Variants in VSTM5 observed in about 807,000 individuals in gnomAD.
The protein encoded by VSTM5 is V-set and transmembrane domain containing 5, also known as V-set and transmembrane domain-containing protein 5.
A neutral mutation model predicts 20.3 loss-of-function variants in VSTM5; 21 were observed. The observed-to-expected ratio is 1.03, with a 90% CI of 0.73 to 1.49. The LOEUF (loss-of-function observed/expected upper bound fraction) is 1.49, where lower values mean the gene tolerates loss of function less well. Among genes scored for constraint, VSTM5 ranks in the 40% most tolerant of loss-of-function variants. The pLI is 0.00. For missense variants in VSTM5, 219 were observed against 250.0 expected, an observed-to-expected ratio of 0.88 and a Z score of 0.84; for synonymous variants, 100 against 102.5, an observed-to-expected ratio of 0.98 and a Z score of 0.14.
In VSTM5 at chr11:93,836,109, C is replaced by T. The variant is rs559198893; in HGVS notation, c.91+14303G>A. Among the ~76,000 whole-genome samples, 4 of 152,322 alleles carry T rather than the reference C, an allele frequency of 2.6e-5. No individual in the cohort carries two copies. The East Asian group carries it at 7.7e-4, about 29-fold the overall frequency. On this transcript the variant is annotated intron_variant, in intron 1 of 3. Coordinates refer to ENST00000409977, the MANE Select transcript of VSTM5 (RefSeq NM_001144871.2). ...TCCTTCCTCATCCACTACATCCCAT[C>T]TGTCACAGGGTCCTGTCAATTTTAC...
At position 93,834,240 on chromosome 11, in the gene VSTM5, G is replaced by T. The variant is rs1385884934; in HGVS notation, c.92-12917C>A. Among the ~76,000 whole-genome samples the T allele has an allele frequency of 2.0e-5, 3 of 152,006 alleles. No individual in the cohort carries two copies. The East Asian group carries it at 5.8e-4, about 29-fold the overall frequency. On this transcript the variant is annotated intron_variant, in intron 1 of 3. Coordinates refer to ENST00000409977, the MANE Select transcript of VSTM5 (RefSeq NM_001144871.2). Reference sequence around the variant, plus strand: ...ACTCAAGATCACCAAACTCAACAGGGCCCCATCCTGCCAGACAATCTTACT... The same window carrying T: ...ACTCAAGATCACCAAACTCAACAGGTCCCCATCCTGCCAGACAATCTTACT...
rs1270875700 is a variant in VSTM5 at position 93,820,979 on chromosome 11, G to A, written c.418+18C>T. The A allele has an allele frequency of 1.3e-6, 2 of 1,550,806 alleles. No individual in the cohort carries two copies. Among genetic ancestry groups the A allele is most frequent in the East Asian group, 4.9e-5 (2 of 40,920 alleles). Reference sequence around the variant, plus strand: ...ATTCACAGTTCAGAGGGGTGCCCGGGGCCCTGGGATGTCTTACCAGAGACG... The same window carrying A: ...ATTCACAGTTCAGAGGGGTGCCCGGAGCCCTGGGATGTCTTACCAGAGACG... On this transcript the variant is annotated intron_variant, in intron 2 of 3. Coordinates refer to ENST00000409977, the MANE Select transcript of VSTM5 (RefSeq NM_001144871.2).
intron 1 of VSTM5, among the ~76,000 whole-genome samples, chr11:93,848,048 C>T (rs925686407): frequency 2.6e-5 from 4 of 152,210 alleles, no homozygotes; most frequent in Non-Finnish European, 5.9e-5. Context: ...CCCTAAATCC[C>T]CTCCTCCAAA....
chr11:93,826,528 G>T (rs1177260940), intron 1 of VSTM5, among the ~76,000 whole-genome samples: 1 of 151,824 alleles, frequency 6.6e-6, no homozygotes, highest in African/African-American at 2.4e-5. Context: ...CACCCGAGTA[G>T]CTGGGACTAC....
At chr11:93,822,086 T>G (rs1244466158) in intron 1 of VSTM5, 2 of 152,196 alleles carry the variant, frequency 1.3e-5, no homozygotes, top group Non-Finnish European at 2.9e-5. Context: ...TATCTTTTAT[T>G]TTATTTATTT....
chr11:93,823,838 G>A (rs1272542707), intron 1 of VSTM5, among the ~76,000 whole-genome samples: 1 of 24,266 alleles, frequency 4.1e-5, no homozygotes, highest in Non-Finnish European at 7.9e-5. Context: ...GTGAACAAGA[G>A]CATGCAGATA....
chr11:93,837,350 C>A (rs1214988001), intron 1 of VSTM5, among the ~76,000 whole-genome samples: 1 of 151,966 alleles, frequency 6.6e-6, no homozygotes, highest in African/African-American at 2.4e-5. Flanking sequence ...ATTTTTGATC[C>A]TTCCGTCTAA....
intron 1 of VSTM5, among the ~76,000 whole-genome samples, chr11:93,836,026 C>G (rs867350095): frequency 5.9e-5 from 9 of 152,298 alleles, no homozygotes; most frequent in Middle Eastern, 3.4e-3. Context: ...GTGTCCCCAA[C>G]CTCAGTGAAA....
intron 1 of VSTM5, among the ~76,000 whole-genome samples, chr11:93,846,958 G>A (rs1252212032): frequency 6.6e-6 from 1 of 151,686 alleles, no homozygotes; most frequent in Non-Finnish European, 1.5e-5. Flanking sequence ...GTAGAGACGG[G>A]GTTTCACTGT....
At position 93,818,601 on chromosome 11, in the gene VSTM5, T is replaced by G. The variant is rs1325051493; in HGVS notation, c.*1968A>C. 1.3e-5 allele frequency: 2 copies of G among 150,554 alleles called. No individual in the cohort carries two copies. The highest frequency in any genetic ancestry group is 3.0e-5 in the Non-Finnish European group (2 of 67,778). 9.3% of individuals were successfully genotyped at this position (150,554 alleles called of 1,614,324 possible). ...GTGGGTGTTCTTTTCCAACTCCCCT[T>G]TGATTATGAAGATTGCCAGCCCTGA... is the stretch of plus-strand genomic sequence containing the variant. On this transcript the variant is annotated 3_prime_UTR_variant, in exon 4 of 4. Coordinates refer to ENST00000409977, the MANE Select transcript of VSTM5 (RefSeq NM_001144871.2).
chr11:93,832,420 A>G (rs1026172444), intron 1 of VSTM5, among the ~76,000 whole-genome samples: 4 of 152,234 alleles, frequency 2.6e-5, no homozygotes, highest in Admixed American at 6.5e-5. Context: ...TCTCTAAGTT[A>G]TTCTAAAAAC....
At chr11:93,837,651 G>A (rs903769765) in intron 1 of VSTM5, among the ~76,000 whole-genome samples, 15 of 152,000 alleles carry the variant, frequency 9.9e-5, no homozygotes, top group Admixed American at 6.6e-4. Context: ...CTCACAGATC[G>A]GATATGTTAG....
chr11:93,827,547 A>G (rs1169878288), intron 1 of VSTM5: 1 of 152,200 alleles, frequency 6.6e-6, no homozygotes, highest in Admixed American at 6.5e-5. Flanking sequence ...AGCTGGGCCA[A>G]TATTCAGGCC....
chr11:93,831,607 T>C (rs1415041596), intron 1 of VSTM5, among the ~76,000 whole-genome samples: 2 of 152,158 alleles, frequency 1.3e-5, no homozygotes, highest in Non-Finnish European at 2.9e-5. Context: ...ATGATCTTTC[T>C]GTTTAATGGC....
intron 1 of VSTM5, chr11:93,827,720 A>G (rs1944250388): frequency 6.7e-6 from 1 of 150,106 alleles, no homozygotes; most frequent in African/African-American, 2.5e-5. Flanking sequence ...CACTACTGCT[A>G]TTGAGTAGTC....
chr11:93,824,351 A>G (rs560436208), intron 1 of VSTM5, among the ~76,000 whole-genome samples: 5 of 152,288 alleles, frequency 3.3e-5, no homozygotes, highest in Non-Finnish European at 7.4e-5. Context: ...TTTTGATAAT[A>G]GCCAGCCTAA....
At position 93,818,328 on chromosome 11, in the gene VSTM5, TAA is replaced by T; in HGVS notation, c.*2239_*2240del. On this transcript the variant is annotated 3_prime_UTR_variant, in exon 4 of 4. Coordinates refer to ENST00000409977, the MANE Select transcript of VSTM5 (RefSeq NM_001144871.2). ...CTTAACATTTACACTAGCTAATCTC[TAA>T]GATTTTTATTTTTCTGAAAAGCAAA... 2 of 152,256 alleles carry T rather than the reference TAA, an allele frequency of 1.3e-5. No individual in the cohort carries two copies. The highest frequency in any genetic ancestry group is 3.9e-4 in the East Asian group (2 of 5,180). 9.4% of individuals were successfully genotyped at this position (152,256 alleles called of 1,614,324 possible).
intron 1 of VSTM5, chr11:93,827,682 C>T (rs1030001388): frequency 6.6e-6 from 1 of 151,188 alleles, no homozygotes; most frequent in African/African-American, 2.4e-5. Flanking sequence ...ACAGATGAAA[C>T]CCCTTATTCT....
At chr11:93,850,208 C>T (rs1489052485) in intron 1 of VSTM5, among the ~76,000 whole-genome samples, 3 of 152,096 alleles carry the variant, frequency 2.0e-5, no homozygotes, top group Non-Finnish European at 4.4e-5. Context: ...CCAGCCCCTC[C>T]CGCTACGGTC....
Sources: allele counts gnomAD v4.1 joint callset (sites outside exome capture counted in the v4.1 genomes callset), GRCh38; gene constraint gnomAD v4.1.1; transcripts MANE v1.5; gene names NCBI Gene and HGNC (gene_info 2026-07-23, HGNC 2026-07-21).